The following KALRN variants were observed in gnomAD, a reference collection of about 807,000 sequenced individuals.
The protein encoded by KALRN is kalirin.
A neutral mutation model predicts 353.7 loss-of-function variants in KALRN; 70 were observed. The ratio of observed to expected loss-of-function variants is 0.20; its 90% CI spans 0.16 to 0.24. The LOEUF is 0.24. Among genes scored for constraint, KALRN ranks in the 10% least tolerant of loss-of-function variants. KALRN has a pLI of 1.00. For synonymous variants in KALRN, 1,391 were observed against 1,434.8 expected (o/e 0.97, Z 0.69); for missense variants, 2,791 against 3,756.7 (o/e 0.74, Z 6.72).
chr3:124,063,143 T>G (rs1209304634), intron 1 of KALRN, among the ~76,000 whole-genome samples: 1 of 151,530 alleles, frequency 6.6e-6, no homozygotes, highest in Non-Finnish European at 1.5e-5. Flanking sequence ...CAGCCGGAGG[T>G]GAGAACAGCA....
At chr3:124,442,181 G>C (rs1005300386) in intron 19 of KALRN, 122 bp downstream of exon 19, 3 of 571,568 alleles carry the variant, frequency 5.2e-6, no homozygotes, top group Non-Finnish European at 9.2e-6. Context: ...AAATGAAAAT[G>C]TATGATGTGG....
intron 1 of KALRN, among the ~76,000 whole-genome samples, chr3:124,094,373 G>A (rs1203029607): frequency 3.9e-5 from 6 of 152,228 alleles, no homozygotes; most frequent in Non-Finnish European, 8.8e-5. Context: ...TGGCCTCAAA[G>A]TCCAAAATGG....
At chr3:124,324,339 G>T (rs10934665) in intron 6 of KALRN, among the ~76,000 whole-genome samples, 3 of 152,174 alleles carry the variant, frequency 2.0e-5, no homozygotes, top group African/African-American at 7.2e-5. Flanking sequence ...TAAAACTGTC[G>T]AAATCAGTGT....
intron 1 of KALRN, among the ~76,000 whole-genome samples, chr3:124,120,379 ACAG>A (rs2063855716): frequency 6.6e-6 from 1 of 152,180 alleles, no homozygotes; most frequent in Non-Finnish European, 1.5e-5. Flanking sequence ...GTAAATCCCC[ACAG>A]ATGAAATATG....
intron 13 of KALRN, 89 bp from the exon 14 acceptor site, chr3:124,413,381 C>A: frequency 9.2e-7 from 1 of 1,089,298 alleles, no homozygotes; most frequent in Non-Finnish European, 1.3e-6. Context: ...GGGGTGGATT[C>A]ATGAATAAGG....
At chr3:124,355,707 A>ATTTTTTTTT (rs1321114015) in intron 10 of KALRN, among the ~76,000 whole-genome samples, 1 of 87,410 alleles carries the variant, frequency 1.1e-5, no homozygotes, top group African/African-American at 4.2e-5. Context: ...ACTCTCTCCC[A>ATTTTTTTTT]TCTTTTTTTT....
At chr3:124,436,220 G>A (rs909269612) in intron 17 of KALRN, among the ~76,000 whole-genome samples, 1 of 152,196 alleles carries the variant, frequency 6.6e-6, no homozygotes, top group Non-Finnish European at 1.5e-5. Context: ...GATCAAGATG[G>A]TGAAGGACAC....
intron 33 of KALRN, among the ~76,000 whole-genome samples, chr3:124,511,566 G>A (rs1025141196): frequency 4.6e-5 from 7 of 152,166 alleles, no homozygotes; most frequent in African/African-American, 7.2e-5. Flanking sequence ...TAGAAGAAGA[G>A]CATGGCTCCC....
At chr3:124,368,262 G>C (rs1198678105) in intron 10 of KALRN, among the ~76,000 whole-genome samples, 1 of 147,226 alleles carries the variant, frequency 6.8e-6, no homozygotes, top group African/African-American at 2.6e-5. Flanking sequence ...CCTCCCTCCC[G>C]GACGGGGCGG....
chr3:124,106,458 C>T (rs1481620544), intron 1 of KALRN, among the ~76,000 whole-genome samples: 2 of 152,070 alleles, frequency 1.3e-5, no homozygotes, highest in South Asian at 2.1e-4. Context: ...TGAGAGAGGA[C>T]CCATGACTGA....
At chr3:124,514,582 T>A (rs956418260) in intron 33 of KALRN, among the ~76,000 whole-genome samples, 6 of 152,204 alleles carry the variant, frequency 3.9e-5, no homozygotes, top group African/African-American at 9.6e-5. Context: ...GTAAGTATCA[T>A]TATCCTCATT....
At position 124,395,335 on chromosome 3, in the gene KALRN, C is replaced by T. The variant is rs768033121; in HGVS notation, c.2163C>T (p.Ser721=). 2.1e-5 allele frequency: 34 copies of T among 1,611,614 alleles called. No individual in the cohort carries two copies. The East Asian group carries it at 5.6e-4, about 26-fold the overall frequency. Residue 721 remains serine (S), a synonymous_variant, in exon 12 of 60, where the codon AGC becomes AGT. Coordinates refer to ENST00000682506, the MANE Select transcript of KALRN (RefSeq NM_001388419.1). ...CGCCTCCCTCCCTCGGGGAGCCCAG[C>T]GAGGCCAGGTCAGCATGGGCAGAGC... ...RSAPPSLGEP[S]EARDSAVSNN... is the part of the protein sequence containing the mutation.
intron 1 of KALRN, chr3:124,152,227 T>C: frequency 6.3e-7 from 1 of 1,581,260 alleles, no homozygotes; most frequent in Non-Finnish European, 8.6e-7. Flanking sequence ...ATAACCACGC[T>C]TGTAGATTAG....
At chr3:124,649,834 G>GATAT (rs910657673) in intron 37 of KALRN, among the ~76,000 whole-genome samples, 6 of 150,224 alleles carry the variant, frequency 4.0e-5, no homozygotes, top group South Asian at 2.1e-4. Context: ...TAGATAGATA[G>GATAT]ATATTATGGC....
chr3:124,169,923 C>T (rs971613086), intron 1 of KALRN, among the ~76,000 whole-genome samples: 4 of 151,968 alleles, frequency 2.6e-5, no homozygotes, highest in East Asian at 1.9e-4. Context: ...AAGATCAGTC[C>T]GAGTGTAGGA....
intron 6 of KALRN, among the ~76,000 whole-genome samples, chr3:124,321,018 C>G (rs1580923762): frequency 6.6e-6 from 1 of 152,266 alleles, no homozygotes; most frequent in Middle Eastern, 3.4e-3. Context: ...TTTTGTTGTA[C>G]TTTTTACTAA....
At position 124,696,300 on chromosome 3, in the gene KALRN, T is replaced by A. The variant is rs529413580; in HGVS notation, c.7699+45T>A. On this transcript the variant is annotated intron_variant, in intron 54 of 59. Coordinates refer to ENST00000682506, the MANE Select transcript of KALRN (RefSeq NM_001388419.1). ...CAAACCTTTTGAAATATATATATAT[T>A]TTTAGACAGGTTCTTGCTCTGCTGC... 11 of 1,580,850 alleles carry A rather than the reference T, an allele frequency of 7.0e-6. No individual in the cohort carries two copies. In the African/African-American group the frequency reaches 1.2e-4, roughly 18 times the overall value.
intron 5 of KALRN, among the ~76,000 whole-genome samples, chr3:124,272,310 A>C (rs1261871361): frequency 6.6e-6 from 1 of 152,230 alleles, no homozygotes. Context: ...TTTCAGGACA[A>C]CAGCCCTGAT....
At chr3:124,536,446 C>A (rs1577800521) in intron 33 of KALRN, among the ~76,000 whole-genome samples, 1 of 152,196 alleles carries the variant, frequency 6.6e-6, no homozygotes, top group African/African-American at 2.4e-5. Flanking sequence ...AGGTGATTCG[C>A]CTGCCTCAGC....
Sources: gnomAD v4.1 joint callset for allele counts (sites outside exome capture counted in the v4.1 genomes callset) on GRCh38, gnomAD v4.1.1 for gene constraint, MANE v1.5 for transcripts, NCBI Gene and HGNC (gene_info 2026-07-23, HGNC 2026-07-21) for gene names.